The following NFIB variants were observed in gnomAD, a reference collection of about 807,000 sequenced individuals.
NFIB encodes the protein nuclear factor I B.
In NFIB, 11 loss-of-function variants were observed where a neutral mutation model predicts 61.5. That is an observed-to-expected ratio of 0.18 (90% CI 0.11 to 0.30). NFIB has a LOEUF of 0.30. NFIB is among the 10% of genes least tolerant of loss of function. The pLI, the probability that NFIB is intolerant of heterozygous loss-of-function variation, is 1.00. For synonymous variants in NFIB, 260 were observed against 216.5 expected (o/e 1.20, Z -1.76); for missense variants, 471 against 608.9 (o/e 0.77, Z 2.38).
intron 1 of NFIB, among the ~76,000 whole-genome samples, chr9:14,347,619 C>T (rs2061044898): frequency 8.6e-6 from 1 of 116,138 alleles, no homozygotes; most frequent in Admixed American, 8.3e-5. Flanking sequence ...GAGTGGCCAG[C>T]TCCCTAGGCG....
chr9:14,390,366 A>AAG (rs2061605650), intron 1 of NFIB, among the ~76,000 whole-genome samples: 1 of 152,222 alleles, frequency 6.6e-6, no homozygotes, highest in African/African-American at 2.4e-5. Flanking sequence ...TTTTGGGGGA[A>AAG]AGGAATGTAC....
chr9:14,179,083 C>G (rs2046471991), intron 3 of NFIB, among the ~76,000 whole-genome samples: 1 of 151,958 alleles, frequency 6.6e-6, no homozygotes, highest in African/African-American at 2.4e-5. Flanking sequence ...AAACACTGTT[C>G]CTAAATCAAA....
chr9:14,479,741 A>G, the NFIB span, among the ~76,000 whole-genome samples: 1 of 152,232 alleles, frequency 6.6e-6, no homozygotes, highest in African/African-American at 2.4e-5. Context: ...GCATTCACAC[A>G]TATTAAGGCA....
intron 2 of NFIB, among the ~76,000 whole-genome samples, chr9:14,268,431 A>AGTCACCCTCCCCTGATGGTTC (rs1371729143): frequency 6.6e-6 from 1 of 152,138 alleles, no homozygotes; most frequent in Non-Finnish European, 1.5e-5. Context: ...GCTAAAGTCT[A>AGTCACCCTCCCCTGATGGTTC]GTCACCCTCC....
At chr9:14,315,868 A>T (rs991590368), upstream of NFIB, among the ~76,000 whole-genome samples, 1 of 151,568 alleles carries the variant, frequency 6.6e-6, no homozygotes, top group Non-Finnish European at 1.5e-5. Flanking sequence ...GAGTCTACCT[A>T]GCTGGGGGAT....
chr9:14,521,375 G>C, the NFIB span, among the ~76,000 whole-genome samples: 2,803 of 152,208 alleles, frequency 0.018, 94 homozygotes, highest in African/African-American at 0.063. Context: ...GATGTCTTTG[G>C]TTAATCATGG....
intron 1 of NFIB, among the ~76,000 whole-genome samples, chr9:14,348,828 G>A (rs13289800): frequency 0.25 from 37,359 of 152,216 alleles, 5,182 homozygotes; most frequent in Middle Eastern, 0.45. Flanking sequence ...CCCTGGCTGC[G>A]GAGATGGGCC....
intron 2 of NFIB, among the ~76,000 whole-genome samples, chr9:14,238,479 AACAG>A (rs2054024331): frequency 6.6e-6 from 1 of 152,334 alleles, no homozygotes; most frequent in East Asian, 1.9e-4. Context: ...TATGTGCACA[AACAG>A]ACAGAAGGGT....
intron 3 of NFIB, among the ~76,000 whole-genome samples, chr9:14,161,416 G>A (rs1359214045): frequency 6.6e-6 from 1 of 151,566 alleles, no homozygotes; most frequent in Non-Finnish European, 1.5e-5. Flanking sequence ...GATCTTGGAG[G>A]GAGTCAGAAA....
the NFIB span, among the ~76,000 whole-genome samples, chr9:14,482,016 C>T: frequency 6.6e-6 from 1 of 152,016 alleles, no homozygotes; most frequent in African/African-American, 2.4e-5. Context: ...TGACTCTTAC[C>T]CTCATCTTCT....
chr9:14,116,037 C>G (rs2038083432), intron 9 of NFIB, 171 bp downstream of exon 9: 1 of 677,206 alleles, frequency 1.5e-6, no homozygotes, highest in Non-Finnish European at 2.1e-6. Flanking sequence ...GATAGCAGGG[C>G]CACATCCATG....
chr9:14,257,267 G>A (rs1310365617), intron 2 of NFIB, among the ~76,000 whole-genome samples: 1 of 152,158 alleles, frequency 6.6e-6, no homozygotes, highest in African/African-American at 2.4e-5. Flanking sequence ...AGAACATGGT[G>A]CACACAAGGT....
chr9:14,276,673 G>C (rs2058023475), intron 2 of NFIB, among the ~76,000 whole-genome samples: 1 of 151,898 alleles, frequency 6.6e-6, no homozygotes, highest in Non-Finnish European at 1.5e-5. Context: ...ATCTTGTGAA[G>C]GTTCCTGCAA....
At chr9:14,404,184 C>G in the NFIB span, among the ~76,000 whole-genome samples, 3 of 152,152 alleles carry the variant, frequency 2.0e-5, no homozygotes, top group Non-Finnish European at 4.4e-5. Context: ...TATTGAAGCT[C>G]TTTTACTCTT....
chr9:14,235,020 T>A (rs2053603628), intron 2 of NFIB, among the ~76,000 whole-genome samples: 1 of 152,194 alleles, frequency 6.6e-6, no homozygotes, highest in Non-Finnish European at 1.5e-5. Flanking sequence ...AGTTCAAATG[T>A]GGCAATCTTA....
the NFIB span, among the ~76,000 whole-genome samples, chr9:14,466,418 G>A: frequency 1.3e-5 from 2 of 152,074 alleles, no homozygotes; most frequent in African/African-American, 4.8e-5. Flanking sequence ...GCAGATGGAA[G>A]GTCTAGGAAC....
the NFIB span, among the ~76,000 whole-genome samples, chr9:14,409,813 C>G: frequency 6.6e-6 from 1 of 152,126 alleles, no homozygotes. Context: ...TTAATATCTT[C>G]AGTCTGATAA....
chr9:14,202,073 T>C (rs181690881), intron 2 of NFIB, among the ~76,000 whole-genome samples: 5 of 149,694 alleles, frequency 3.3e-5, no homozygotes, highest in African/African-American at 1.2e-4. Flanking sequence ...TCTATACAAT[T>C]TACAAATAAG....
the NFIB span, among the ~76,000 whole-genome samples, chr9:14,507,014 A>C: frequency 6.6e-6 from 1 of 152,222 alleles, no homozygotes; most frequent in South Asian, 2.1e-4. Context: ...TAAAGATTTA[A>C]ATGTTTTAAA....
Sources: allele counts gnomAD v4.1 joint callset (sites outside exome capture counted in the v4.1 genomes callset), GRCh38; gene constraint gnomAD v4.1.1; transcripts MANE v1.5; gene names NCBI Gene and HGNC (gene_info 2026-07-23, HGNC 2026-07-21).